The following RNF182 variants were observed in gnomAD, a reference collection of about 807,000 sequenced individuals.
RNF182 encodes E3 ubiquitin-protein ligase RNF182.
RNF182 carries 15 observed loss-of-function variants against 14.4 expected under a neutral mutation model. That is an observed-to-expected ratio of 1.04 (90% confidence interval 0.70 to 1.60). The LOEUF is 1.60. Among genes scored for constraint, RNF182 ranks in the 40% most tolerant of loss-of-function variants. The pLI is 0.00. For synonymous variants in RNF182, 128 were observed against 122.9 expected (o/e 1.04, Z -0.27); for missense variants, 268 against 294.8 (o/e 0.91, Z 0.67).
intron 1 of RNF182, among the ~76,000 whole-genome samples, chr6:13,954,572 T>G (rs953551030): frequency 6.6e-6 from 1 of 152,152 alleles, no homozygotes; most frequent in Non-Finnish European, 1.5e-5. Flanking sequence ...AATTAAATTT[T>G]TTTTTTAGCT....
At chr6:13,925,203 G>A (rs1585025826) in intron 1 of RNF182, 180 bp downstream of exon 1, 3 of 151,188 alleles carry the variant, frequency 2.0e-5, no homozygotes, top group Admixed American at 2.0e-4. Flanking sequence ...GTCTCCCTCC[G>A]GGCACCACGG....
At chr6:13,958,531 G>C (rs1172610742) in intron 1 of RNF182, among the ~76,000 whole-genome samples, 1 of 152,156 alleles carries the variant, frequency 6.6e-6, no homozygotes, top group Non-Finnish European at 1.5e-5. Context: ...GAAGAGGTGG[G>C]AGGAGTCTTG....
chr6:13,958,348 T>A (rs1335065217), intron 1 of RNF182, among the ~76,000 whole-genome samples: 1 of 152,082 alleles, frequency 6.6e-6, no homozygotes, highest in Non-Finnish European at 1.5e-5. Flanking sequence ...ATTGCACCAC[T>A]GCACTCCAGC....
At chr6:13,956,312 C>CTTTTTTTTTTTTTTCTTTTTT (rs200201661) in intron 1 of RNF182, among the ~76,000 whole-genome samples, 1 of 140,060 alleles carries the variant, frequency 7.1e-6, no homozygotes. Context: ...CTGTTCTTTG[C>CTTTTTTTTTTTTTTCTTTTTT]TTTTTTTTTT....
At chr6:13,960,214 T>C (rs1759832805) in intron 1 of RNF182, among the ~76,000 whole-genome samples, 1 of 152,240 alleles carries the variant, frequency 6.6e-6, no homozygotes, top group Non-Finnish European at 1.5e-5. Flanking sequence ...GAACCTTGTC[T>C]TGATTGTCTT....
intron 1 of RNF182, among the ~76,000 whole-genome samples, chr6:13,945,155 G>A (rs1016372515): frequency 6.6e-6 from 1 of 152,132 alleles, no homozygotes; most frequent in Admixed American, 6.5e-5. Context: ...AAGGTCTTTA[G>A]CCATCAAGCC....
At chr6:13,975,970 T>C (rs546416168) in intron 2 of RNF182, among the ~76,000 whole-genome samples, 157 of 152,380 alleles carry the variant, frequency 1.0e-3, no homozygotes, top group African/African-American at 3.6e-3. Context: ...CATATGAAAT[T>C]AACCTTCAAC....
In RNF182 at chr6:13,927,105, A is replaced by G. The variant is rs143579654; in HGVS notation, c.-367+2082A>G. On this transcript the variant is annotated intron_variant, in intron 1 of 2. Coordinates refer to ENST00000488300, the MANE Select transcript of RNF182 (RefSeq NM_152737.4). ...CAAAAAATAAAGTCGGTATACAGAA[A>G]TCAACAATCATGTATTGCATGCACT... Among the ~76,000 whole-genome samples, 455 of 152,306 alleles carry G rather than the reference A, an allele frequency of 3.0e-3. 2 individuals are homozygous for G. Among genetic ancestry groups the G allele is most frequent in the African/African-American group, 0.01 (430 of 41,564 alleles).
intron 1 of RNF182, among the ~76,000 whole-genome samples, chr6:13,938,181 T>TTC (rs1211069884): frequency 5.7e-4 from 83 of 145,380 alleles, no homozygotes; most frequent in Non-Finnish European, 9.8e-4. Flanking sequence ...TTGTATTTTT[T>TTC]TTTTTTTTTT....
intron 1 of RNF182, among the ~76,000 whole-genome samples, chr6:13,931,821 T>C (rs988128115): frequency 3.3e-5 from 5 of 152,120 alleles, no homozygotes; most frequent in African/African-American, 1.2e-4. Flanking sequence ...AATTCATATG[T>C]TGAAATTCTA....
upstream of RNF182, chr6:13,924,696 C>A (rs1305886709): frequency 1.3e-5 from 2 of 152,052 alleles, no homozygotes; most frequent in East Asian, 3.9e-4. Flanking sequence ...TGGCCCTGGG[C>A]TCGCTCCGCT....
chr6:13,964,261 G>A (rs2113634552), intron 1 of RNF182, among the ~76,000 whole-genome samples: 1 of 152,068 alleles, frequency 6.6e-6, no homozygotes, highest in East Asian at 1.9e-4. Context: ...TGATATAGAG[G>A]AAGTAAAAAA....
intron 2 of RNF182, among the ~76,000 whole-genome samples, chr6:13,976,248 T>C (rs1165109276): frequency 1.3e-5 from 2 of 152,242 alleles, no homozygotes; most frequent in Non-Finnish European, 2.9e-5. Flanking sequence ...GTTATATGCC[T>C]CATTCTTCCT....
At chr6:13,934,449 G>A (rs1396633780) in intron 1 of RNF182, among the ~76,000 whole-genome samples, 1 of 152,210 alleles carries the variant, frequency 6.6e-6, no homozygotes, top group African/African-American at 2.4e-5. Context: ...GGTTTGAAAG[G>A]CATTTTAATG....
At chr6:13,965,749 G>A (rs746678988) in intron 1 of RNF182, among the ~76,000 whole-genome samples, 3 of 152,238 alleles carry the variant, frequency 2.0e-5, no homozygotes, top group Non-Finnish European at 4.4e-5. Context: ...ATCACGAGAC[G>A]ATGAGTATTG....
intron 1 of RNF182, 39 bp downstream of exon 1, chr6:13,925,062 G>GCCCCC: frequency 1.4e-5 from 2 of 146,604 alleles, no homozygotes; most frequent in Admixed American, 6.8e-5. Context: ...GGGGTCGGCG[G>GCCCCC]GACGCCGGGC....
chr6:13,939,617 C>T (rs369117461), intron 1 of RNF182, among the ~76,000 whole-genome samples: 15 of 152,158 alleles, frequency 9.9e-5, no homozygotes, highest in Non-Finnish European at 1.5e-4. Flanking sequence ...GATCTGGGCT[C>T]GCTGCAAGCC....
intron 1 of RNF182, among the ~76,000 whole-genome samples, chr6:13,939,144 T>A (rs1467767294): frequency 6.6e-6 from 1 of 152,222 alleles, no homozygotes; most frequent in Non-Finnish European, 1.5e-5. Context: ...GTAGTATAAG[T>A]TCTTCAGTTT....
At chr6:13,970,452 C>T (rs1236893548) in intron 1 of RNF182, among the ~76,000 whole-genome samples, 6 of 152,066 alleles carry the variant, frequency 3.9e-5, no homozygotes, top group Admixed American at 2.0e-4. Context: ...TTGTTATTGC[C>T]AAATAGTAGT....
Sources: gnomAD v4.1 joint callset for allele counts (sites outside exome capture counted in the v4.1 genomes callset) on GRCh38, gnomAD v4.1.1 for gene constraint, MANE v1.5 for transcripts, NCBI Gene and HGNC (gene_info 2026-07-23, HGNC 2026-07-21) for gene names.